MSRA: variants seen among roughly 807,000 people sequenced by gnomAD.
MSRA encodes the protein methionine sulfoxide reductase A.
MSRA carries 54 observed loss-of-function variants against 31.3 expected under a neutral mutation model. The observed-to-expected ratio is 1.73, with a 90% CI of 1.39 to 2.17. The LOEUF is 2.17. Among genes scored for constraint, MSRA ranks in the 30% most tolerant of loss-of-function variants. MSRA has a pLI of 0.00. For synonymous variants in MSRA, 169 were observed against 116.5 expected, an observed-to-expected ratio of 1.45 and a Z score of -2.90; for missense variants, 507 against 300.9, an observed-to-expected ratio of 1.69 and a Z score of -5.07.
At chr8:10,319,051 T>C (rs1354088577) in intron 4 of MSRA, among the ~76,000 whole-genome samples, 1 of 152,176 alleles carries the variant, frequency 6.6e-6, no homozygotes, top group Non-Finnish European at 1.5e-5. Context: ...TCACGTGAAC[T>C]TACCCACTCC....
rs1449282566 is a variant in MSRA, at chr8:10,403,006, A to T, written c.544-25142A>T. Among the ~76,000 whole-genome samples the T allele has an allele frequency of 2.6e-5, 4 of 152,214 alleles. No homozygotes were observed. In the East Asian group the frequency reaches 7.7e-4, roughly 29 times the overall value. On this transcript the variant is annotated intron_variant, in intron 5 of 5. Coordinates refer to ENST00000317173, the MANE Select transcript of MSRA (RefSeq NM_012331.5). ...AAGAGAAGACAGCTTCTAAGCAACCAGAAGTTATGTAGCCAAGTTCATGCA... is the reference window on the plus strand; with the variant it reads ...AAGAGAAGACAGCTTCTAAGCAACCTGAAGTTATGTAGCCAAGTTCATGCA...
At chr8:10,071,297 ATCC>A (rs756391088) in intron 1 of MSRA, among the ~76,000 whole-genome samples, 15 of 152,126 alleles carry the variant, frequency 9.9e-5, no homozygotes, top group Non-Finnish European at 2.1e-4. Context: ...TCATTTGTAT[ATCC>A]TCTTTCGTTA....
At chr8:10,153,701 C>G (rs1335470326) in intron 1 of MSRA, among the ~76,000 whole-genome samples, 2 of 152,184 alleles carry the variant, frequency 1.3e-5, no homozygotes, top group Non-Finnish European at 1.5e-5. Flanking sequence ...ACGCTGGCTG[C>G]TCTTCCATGT....
At chr8:10,312,617 C>T (rs528144247) in intron 4 of MSRA, among the ~76,000 whole-genome samples, 1 of 152,278 alleles carries the variant, frequency 6.6e-6, no homozygotes, top group South Asian at 2.1e-4. Context: ...GTAGGACAAT[C>T]TTACTTATGA....
intron 5 of MSRA, among the ~76,000 whole-genome samples, chr8:10,381,239 C>G (rs1001673446): frequency 3.9e-5 from 6 of 152,134 alleles, no homozygotes; most frequent in Non-Finnish European, 7.4e-5. Context: ...CCATGTTCCT[C>G]TTTTTAGCTT....
intron 3 of MSRA, among the ~76,000 whole-genome samples, chr8:10,299,386 T>G (rs776918764): frequency 6.6e-6 from 1 of 152,158 alleles, no homozygotes; most frequent in Non-Finnish European, 1.5e-5. Context: ...CAAAATAATA[T>G]GTTCTACTAG....
chr8:10,400,301 GAAA>G (rs949863425), intron 5 of MSRA, among the ~76,000 whole-genome samples: 1 of 151,048 alleles, frequency 6.6e-6, no homozygotes, highest in African/African-American at 2.4e-5. Flanking sequence ...GAGGAGACAA[GAAA>G]AAAATAAATC....
At chr8:10,258,396 T>C (rs987251350) in intron 3 of MSRA, among the ~76,000 whole-genome samples, 3 of 152,210 alleles carry the variant, frequency 2.0e-5, no homozygotes, top group African/African-American at 7.2e-5. Context: ...GGACCTGTTA[T>C]TATGTAAAGG....
chr8:10,358,385 CTT>C lies in MSRA; in HGVS notation c.543+38397_543+38398del, dbSNP rs150397152. 4.2e-3 allele frequency among the ~76,000 whole-genome samples: 644 copies of C among 152,204 alleles called. 5 individuals carry two copies. The highest frequency in any genetic ancestry group is 0.014 in the African/African-American group (562 of 41,534). ...AAACATTTTTTAATCCCTCTATTCT[CTT>C]GTTTCCCCCCAATTTTTGTGGCTAT... is the stretch of plus-strand genomic sequence containing the variant. On this transcript the variant is annotated intron_variant, in intron 5 of 5. Coordinates refer to ENST00000317173, the MANE Select transcript of MSRA (RefSeq NM_012331.5).
chr8:10,130,125 GC>G (rs1346642887), intron 1 of MSRA, among the ~76,000 whole-genome samples: 1 of 152,112 alleles, frequency 6.6e-6, no homozygotes, highest in African/African-American at 2.4e-5. Flanking sequence ...TATCAAGGAC[GC>G]TAAACATTCA....
At chr8:10,230,232 A>G (rs916407524) in intron 2 of MSRA, among the ~76,000 whole-genome samples, 2 of 152,156 alleles carry the variant, frequency 1.3e-5, no homozygotes, top group African/African-American at 4.8e-5. Context: ...TACGTGCCTG[A>G]GTTAAGGGGG....
intron 5 of MSRA, among the ~76,000 whole-genome samples, chr8:10,399,954 T>C (rs996970062): frequency 6.6e-6 from 1 of 152,082 alleles, no homozygotes; most frequent in Non-Finnish European, 1.5e-5. Flanking sequence ...AAGAATAAGA[T>C]GAGGCATGGG....
chr8:10,300,609 A>G (rs1800791481), intron 3 of MSRA, among the ~76,000 whole-genome samples: 1 of 151,748 alleles, frequency 6.6e-6, no homozygotes, highest in Non-Finnish European at 1.5e-5. Context: ...GGCTACTCGA[A>G]CTCCTGACCT....
In MSRA at chr8:10,079,972, C is replaced by G. The variant is rs113241802; in HGVS notation, c.142+25314C>G. ...TCCTGACCTGCGGTAATTTTAAGTG[C>G]TTTCTTGTGTTACGCTTAGCACTTT... is the stretch of plus-strand genomic sequence containing the variant. On this transcript the variant is annotated intron_variant, in intron 1 of 5. Coordinates refer to ENST00000317173, the MANE Select transcript of MSRA (RefSeq NM_012331.5). 9.7e-3 allele frequency among the ~76,000 whole-genome samples: 1,484 copies of G among 152,304 alleles called. 23 individuals are homozygous for G. Among genetic ancestry groups the G allele is most frequent in the African/African-American group, 0.032 (1,330 of 41,574 alleles).
At chr8:10,225,625 T>A (rs1057281905) in intron 2 of MSRA, among the ~76,000 whole-genome samples, 4 of 152,194 alleles carry the variant, frequency 2.6e-5, no homozygotes, top group Non-Finnish European at 4.4e-5. Context: ...AAAGAGGAAG[T>A]CTCAAGGGAA....
intron 4 of MSRA, among the ~76,000 whole-genome samples, chr8:10,304,490 A>T (rs1801018255): frequency 6.6e-6 from 1 of 152,240 alleles, no homozygotes; most frequent in Non-Finnish European, 1.5e-5. Context: ...AGTTCAGAAT[A>T]ACTCTGGTAT....
intron 1 of MSRA, among the ~76,000 whole-genome samples, chr8:10,156,970 G>A (rs935767135): frequency 2.0e-4 from 31 of 151,662 alleles, no homozygotes; most frequent in African/African-American, 7.3e-4. Context: ...ACTGTGCTGT[G>A]CTTTTATTTA....
intron 5 of MSRA, among the ~76,000 whole-genome samples, chr8:10,365,271 C>G (rs1398644930): frequency 6.6e-6 from 1 of 152,102 alleles, no homozygotes; most frequent in East Asian, 1.9e-4. Context: ...CTCCCCCGCT[C>G]CCTCCGAGCA....
intron 1 of MSRA, among the ~76,000 whole-genome samples, chr8:10,069,412 G>A (rs1487166525): frequency 6.6e-6 from 1 of 152,194 alleles, no homozygotes; most frequent in Non-Finnish European, 1.5e-5. Context: ...ATAGATGTTT[G>A]TCCTCGTCCA....
Sources: allele counts gnomAD v4.1 joint callset (sites outside exome capture counted in the v4.1 genomes callset), GRCh38; gene constraint gnomAD v4.1.1; transcripts MANE v1.5; gene names NCBI Gene and HGNC (gene_info 2026-07-23, HGNC 2026-07-21).